CTNNA3: variants seen among roughly 807,000 people sequenced by gnomAD.
The protein encoded by CTNNA3 is catenin alpha-3.
CTNNA3 carries 76 observed loss-of-function variants against 95.7 expected under a neutral mutation model. The observed-to-expected ratio is 0.79, with a 90% CI of 0.66 to 0.96. The LOEUF is 0.96. Ranked by LOEUF, CTNNA3 falls within the 40% of genes least tolerant of loss-of-function variation. CTNNA3 has a pLI of 0.00. For synonymous variants in CTNNA3, 431 were observed against 374.4 expected, an observed-to-expected ratio of 1.15 and a Z score of -1.74; for missense variants, 1,191 against 1,089.8, an observed-to-expected ratio of 1.09 and a Z score of -1.31.
At chr10:66,189,952 T>C (rs2086582635) in intron 13 of CTNNA3, among the ~76,000 whole-genome samples, 1 of 151,930 alleles carries the variant, frequency 6.6e-6, no homozygotes, top group African/African-American at 2.4e-5. Context: ...TGCACCAATA[T>C]ACTTAAAATG....
chr10:66,285,180 A>T (rs1053956650), intron 12 of CTNNA3, among the ~76,000 whole-genome samples: 40 of 151,116 alleles, frequency 2.6e-4, no homozygotes, highest in Middle Eastern at 3.4e-3. Context: ...ACTCTACTCT[A>T]TCTTTCAAGA....
chr10:66,545,867 TTCTG>T (rs1196751970), intron 10 of CTNNA3, among the ~76,000 whole-genome samples: 1 of 151,742 alleles, frequency 6.6e-6, no homozygotes, highest in Non-Finnish European at 1.5e-5. Flanking sequence ...AGTGGTTAGC[TTCTG>T]TCTTTGTATA....
intron 14 of CTNNA3, among the ~76,000 whole-genome samples, chr10:66,084,123 G>A (rs553955104): frequency 4.3e-5 from 4 of 94,068 alleles, no homozygotes; most frequent in African/African-American, 7.9e-5. Context: ...TAACAACAGC[G>A]AAACTTCATC....
intron 7 of CTNNA3, among the ~76,000 whole-genome samples, chr10:66,993,553 A>G (rs970590739): frequency 2.3e-4 from 35 of 152,134 alleles, no homozygotes; most frequent in Non-Finnish European, 1.6e-4. Context: ...CCTTCCAACT[A>G]TGAATCTATA....
intron 7 of CTNNA3, among the ~76,000 whole-genome samples, chr10:66,779,710 G>C (rs1840455009): frequency 6.6e-6 from 1 of 152,166 alleles, no homozygotes; most frequent in Non-Finnish European, 1.5e-5. Context: ...ATTTTACATA[G>C]AGCCTTTGTT....
At chr10:66,482,826 T>C (rs1839585956) in intron 11 of CTNNA3, among the ~76,000 whole-genome samples, 1 of 152,136 alleles carries the variant, frequency 6.6e-6, no homozygotes, top group Admixed American at 6.5e-5. Flanking sequence ...GTTGGGATTG[T>C]TGATGATATT....
At chr10:66,694,150 T>C (rs1847667152) in intron 9 of CTNNA3, among the ~76,000 whole-genome samples, 1 of 152,040 alleles carries the variant, frequency 6.6e-6, no homozygotes, top group Non-Finnish European at 1.5e-5. Flanking sequence ...AAAGTACCCT[T>C]CAAAAAATTA....
intron 13 of CTNNA3, among the ~76,000 whole-genome samples, chr10:66,129,273 A>G (rs960090999): frequency 1.3e-5 from 2 of 152,166 alleles, no homozygotes; most frequent in Non-Finnish European, 2.9e-5. Context: ...TCAAAAAACA[A>G]AAACAAACAA....
At chr10:66,762,405 G>A (rs1839637594) in intron 9 of CTNNA3, among the ~76,000 whole-genome samples, 1 of 151,990 alleles carries the variant, frequency 6.6e-6, no homozygotes, top group Non-Finnish European at 1.5e-5. Context: ...GGAAAAGTTT[G>A]CATAATAGGT....
chr10:67,083,298 A>G (rs186322668), intron 7 of CTNNA3, among the ~76,000 whole-genome samples: 227 of 152,302 alleles, frequency 1.5e-3, no homozygotes, highest in African/African-American at 5.2e-3. Flanking sequence ...CATTTAATAC[A>G]CTATGAAGAC....
At chr10:66,442,394 C>CT (rs2093381565) in intron 11 of CTNNA3, among the ~76,000 whole-genome samples, 1 of 151,948 alleles carries the variant, frequency 6.6e-6, no homozygotes, top group Non-Finnish European at 1.5e-5. Context: ...TGACCTCAAG[C>CT]TTTTTAAATA....
chr10:67,672,032 A>G (rs1041322491), intron 1 of CTNNA3, among the ~76,000 whole-genome samples: 2 of 152,030 alleles, frequency 1.3e-5, no homozygotes, highest in Non-Finnish European at 2.9e-5. Context: ...TTGTTTCCTG[A>G]CTTTTTGATG....
At chr10:66,980,016 G>GC (rs1850318303) in intron 7 of CTNNA3, among the ~76,000 whole-genome samples, 1 of 152,204 alleles carries the variant, frequency 6.6e-6, no homozygotes, top group South Asian at 2.1e-4. Flanking sequence ...ACAAGGTTAT[G>GC]CATTGGCACT....
At position 65,926,579 on chromosome 10, in the gene CTNNA3, C is replaced by A. The variant is rs372582952; in HGVS notation, c.2401-5962G>T. ...GCAACCTCTGCCTCCCGGGTTCAAG[C>A]GATTCTCCTGCCTCAGCCTACCAAG... is the stretch of plus-strand genomic sequence containing the variant. On this transcript the variant is annotated intron_variant, in intron 17 of 17. Coordinates refer to ENST00000433211, the MANE Select transcript of CTNNA3 (RefSeq NM_013266.4). Among the ~76,000 whole-genome samples the A allele has an allele frequency of 4.6e-5, 7 of 151,186 alleles. No individual in the cohort carries two copies. In the East Asian group the frequency reaches 1.4e-3, roughly 30 times the overall value.
chr10:67,049,132 G>T (rs1359352358), intron 7 of CTNNA3, among the ~76,000 whole-genome samples: 1 of 151,322 alleles, frequency 6.6e-6, no homozygotes, highest in Non-Finnish European at 1.5e-5. Context: ...ATTATTCCAT[G>T]CAGGATAATG....
chr10:66,020,466 T>C (rs1486996637), intron 15 of CTNNA3, among the ~76,000 whole-genome samples: 1 of 152,192 alleles, frequency 6.6e-6, no homozygotes, highest in Non-Finnish European at 1.5e-5. Flanking sequence ...AGGGCACCTG[T>C]ATTCTCAACA....
chr10:67,386,440 C>A (rs906653257), intron 5 of CTNNA3, among the ~76,000 whole-genome samples: 3 of 152,150 alleles, frequency 2.0e-5, no homozygotes, highest in African/African-American at 7.2e-5. Flanking sequence ...TACCACATAC[C>A]ACCCTTCTTA....
intron 7 of CTNNA3, among the ~76,000 whole-genome samples, chr10:66,960,145 C>G (rs1849037641): frequency 6.6e-6 from 1 of 152,136 alleles, no homozygotes. Flanking sequence ...TCTCTGCCTT[C>G]TCTCTCTGCA....
intron 15 of CTNNA3, among the ~76,000 whole-genome samples, chr10:66,005,378 T>A (rs2078858890): frequency 6.6e-6 from 1 of 152,214 alleles, no homozygotes; most frequent in African/African-American, 2.4e-5. Flanking sequence ...TCAGTTGGGA[T>A]AAATTGACGG....
Sources: gnomAD v4.1 joint callset for allele counts (sites outside exome capture counted in the v4.1 genomes callset) on GRCh38, gnomAD v4.1.1 for gene constraint, MANE v1.5 for transcripts, NCBI Gene and HGNC (gene_info 2026-07-23, HGNC 2026-07-21) for gene names.